ADRA1A: variants seen among roughly 807,000 people sequenced by gnomAD.
ADRA1A encodes adrenoceptor alpha 1A.
A neutral mutation model predicts 29.6 loss-of-function variants in ADRA1A; 31 were observed. The ratio of observed to expected loss-of-function variants is 1.05; its 90% CI spans 0.79 to 1.41. ADRA1A has a LOEUF of 1.41. Ranked by LOEUF, ADRA1A falls within the 40% of genes most tolerant of loss-of-function variation. The probability of loss-of-function intolerance (pLI) is 0.00; values close to 1 mark genes in which losing one functional copy is unlikely to be tolerated. For synonymous variants in ADRA1A, 311 were observed against 254.3 expected (o/e 1.22, Z -2.12); for missense variants, 619 against 601.1 (o/e 1.03, Z -0.31).
intron 2 of ADRA1A, among the ~76,000 whole-genome samples, chr8:26,808,912 T>G (rs1339965818): frequency 1.3e-5 from 2 of 152,168 alleles, no homozygotes; most frequent in African/African-American, 4.8e-5. Context: ...ATCTCACAAC[T>G]TGGGTGGGAT....
chr8:26,837,188 G>T (rs2130678824), intron 2 of ADRA1A, among the ~76,000 whole-genome samples: 1 of 151,686 alleles, frequency 6.6e-6, no homozygotes, highest in East Asian at 1.9e-4. Context: ...TACCAGGCAT[G>T]TGCCTGGACC....
rs900091309 is a variant in ADRA1A, at chr8:26,770,445, C to T, written c.1105G>A (p.Gly369Arg). The T allele has an allele frequency of 6.2e-7, 1 of 1,614,204 alleles. No individual in the cohort carries two copies. The highest frequency in any genetic ancestry group is 1.3e-5 in the African/African-American group (1 of 75,060). Reference protein sequence around the residue: ...TLHPPSQAVEGQHKDMVRIPV... With the variant: ...TLHPPSQAVERQHKDMVRIPV... The stretch of plus-strand genomic sequence containing the variant: ...ATGCGCACCATGTCCTTGTGTTGCC[C>T]TTCCACGGCCTGGCTGGGCGGGTGC... The change falls in exon 3 of 3, where the codon GGG becomes AGG. Residue 369 changes from glycine to arginine, a missense_variant. Gly to Arg is a moderately radical substitution (Grantham distance 125). Coordinates refer to ENST00000380573, the MANE Select transcript of ADRA1A (RefSeq NM_000680.4).
chr8:26,786,744 TGG>T (rs11446463), intron 2 of ADRA1A, among the ~76,000 whole-genome samples: 40,154 of 145,516 alleles, frequency 0.28, 6,008 homozygotes, highest in East Asian at 0.51. Flanking sequence ...CATGCTGGGT[TGG>T]GGGGGGGGGT....
chr8:26,831,723 C>G lies in ADRA1A; in HGVS notation c.883+32364G>C, dbSNP rs1005175014. ...AGGACAAGAAGAACATAGTTTCACT[C>G]GCAGGGAATGAAGGACCCTTTTGGG... On this transcript the variant is annotated intron_variant, in intron 2 of 2. Transcript: ENST00000380573. This position sits in a 1 kb window ranked among gnomAD's most constrained non-coding sequence, Gnocchi z 5.2. 4.6e-5 allele frequency among the ~76,000 whole-genome samples: 7 copies of G among 152,232 alleles called. No individual in the cohort carries two copies. The highest frequency in any genetic ancestry group is 1.0e-4 in the Non-Finnish European group (7 of 68,044).
chr8:26,810,553 T>C (rs541092498), intron 2 of ADRA1A, among the ~76,000 whole-genome samples: 10 of 152,326 alleles, frequency 6.6e-5, no homozygotes, highest in African/African-American at 2.4e-4. Flanking sequence ...CAGCTTTAAG[T>C]AACAATATCC....
chr8:26,789,105 C>A (rs1186322852), intron 2 of ADRA1A, among the ~76,000 whole-genome samples: 1 of 151,886 alleles, frequency 6.6e-6, no homozygotes, highest in Non-Finnish European at 1.5e-5. Context: ...TCCCCTTTTC[C>A]CCCCACCCCT....
At chr8:26,854,586 G>A (rs1350720200) in intron 2 of ADRA1A, 2 of 152,148 alleles carry the variant, frequency 1.3e-5, no homozygotes, top group Non-Finnish European at 2.9e-5. Context: ...CCTGAGACTG[G>A]GATGGAAACA....
intron 2 of ADRA1A, among the ~76,000 whole-genome samples, chr8:26,838,900 C>T (rs1468005813): frequency 6.6e-6 from 1 of 152,130 alleles, no homozygotes; most frequent in Admixed American, 6.5e-5. Context: ...AATGTGTCCC[C>T]TCAGCTCTGG....
intron 2 of ADRA1A, among the ~76,000 whole-genome samples, chr8:26,824,764 A>G (rs906856555): frequency 6.6e-6 from 1 of 152,178 alleles, no homozygotes; most frequent in African/African-American, 2.4e-5. Flanking sequence ...ACACATGGCC[A>G]ATTACCATAG....
intron 2 of ADRA1A, among the ~76,000 whole-genome samples, chr8:26,773,071 A>T (rs1806293025): frequency 6.6e-6 from 1 of 152,058 alleles, no homozygotes; most frequent in African/African-American, 2.4e-5. Flanking sequence ...GAGTTATGTG[A>T]CTCTTCCCTA....
At chr8:26,793,573 T>A (rs983916175) in intron 2 of ADRA1A, among the ~76,000 whole-genome samples, 6 of 151,982 alleles carry the variant, frequency 3.9e-5, no homozygotes, top group Admixed American at 3.9e-4. Context: ...AAACTGGACA[T>A]GCCTCTGACA....
At chr8:26,809,010 G>A (rs1325139288) in intron 2 of ADRA1A, among the ~76,000 whole-genome samples, 1 of 152,104 alleles carries the variant, frequency 6.6e-6, no homozygotes, top group Non-Finnish European at 1.5e-5. Context: ...TCTCTTTATT[G>A]ATGAGTGAGC....
chr8:26,852,971 G>C (rs1812745071), intron 2 of ADRA1A, among the ~76,000 whole-genome samples: 1 of 151,908 alleles, frequency 6.6e-6, no homozygotes, highest in Non-Finnish European at 1.5e-5. Flanking sequence ...TGATTGAGTA[G>C]AATTTAATCC....
chr8:26,837,930 G>A lies in ADRA1A; in HGVS notation c.883+26157C>T, dbSNP rs552741830. Among the ~76,000 whole-genome samples the A allele has an allele frequency of 5.9e-5, 9 of 152,268 alleles. No homozygotes were observed. In the South Asian group the frequency reaches 6.2e-4, roughly 11 times the overall value. The stretch of plus-strand genomic sequence containing the variant: ...ACTTTAGTCTCTACCAAAGTAATAC[G>A]GAAGACAGAATTAGAATTGTCTTTT... On this transcript the variant is annotated intron_variant, in intron 2 of 2. Coordinates refer to ENST00000380573, the MANE Select transcript of ADRA1A (RefSeq NM_000680.4).
downstream of ADRA1A, among the ~76,000 whole-genome samples, chr8:26,753,266 C>A (rs1318818667): frequency 6.6e-6 from 1 of 152,150 alleles, no homozygotes; most frequent in African/African-American, 2.4e-5. Flanking sequence ...TTAATATGTC[C>A]TGTCTTGAAC....
In ADRA1A at chr8:26,860,750, C is replaced by T. The variant is rs1490125844; in HGVS notation, c.883+3337G>A. Among the ~76,000 whole-genome samples the T allele has an allele frequency of 1.3e-5, 2 of 152,124 alleles. No individual in the cohort carries two copies. The highest frequency in any genetic ancestry group is 4.8e-5 in the African/African-American group (2 of 41,420). On this transcript the variant is annotated intron_variant, in intron 2 of 2. Coordinates refer to ENST00000380573, the MANE Select transcript of ADRA1A (RefSeq NM_000680.4). This position sits in a 1 kb window ranked among gnomAD's most constrained non-coding sequence, Gnocchi z 4.7. The stretch of plus-strand genomic sequence containing the variant: ...CTCAGGGCTCACACACTTTGCTCTC[C>T]TTGTCACTTCCCAATGCTCCCCTTG...
At chr8:26,829,143 C>T (rs1349545490) in intron 2 of ADRA1A, among the ~76,000 whole-genome samples, 1 of 152,118 alleles carries the variant, frequency 6.6e-6, no homozygotes, top group African/African-American at 2.4e-5. Context: ...TTCCAGTTGT[C>T]ACCAGAGCAG....
rs1362135492 is a variant in ADRA1A, at chr8:26,816,578, TTGTG to T, written c.884-45916_884-45913del. ...GTGTGTGTGTGTGTGTGCATCCACA[TTGTG>T]TGCACACGCTCATGTGCACACGCCT... On this transcript the variant is annotated intron_variant, in intron 2 of 2. Transcript: ENST00000380573. Among the ~76,000 whole-genome samples the T allele has an allele frequency of 1.1e-4, 17 of 149,708 alleles. No individual in the cohort carries two copies. In the East Asian group the frequency reaches 2.2e-3, roughly 19 times the overall value.
intron 2 of ADRA1A, among the ~76,000 whole-genome samples, chr8:26,809,810 A>G (rs1234627735): frequency 1.3e-5 from 2 of 152,238 alleles, no homozygotes; most frequent in African/African-American, 2.4e-5. Context: ...GAAGGATGTC[A>G]TCTACTCACA....
Sources: gnomAD v4.1 joint callset for allele counts (sites outside exome capture counted in the v4.1 genomes callset) on GRCh38, gnomAD v4.1.1 for gene constraint, Gnocchi (gnomAD v3.1) non-coding constraint, MANE v1.5 for transcripts, NCBI Gene and HGNC (gene_info 2026-07-23, HGNC 2026-07-21) for gene names.